CCDC60: variants seen among roughly 807,000 people sequenced by gnomAD.
The protein encoded by CCDC60 is coiled-coil domain containing 60, also known as coiled-coil domain-containing protein 60.
In CCDC60, 54 loss-of-function variants were observed where a neutral mutation model predicts 63.5. The observed-to-expected ratio is 0.85, with a 90% CI of 0.68 to 1.07. The LOEUF is 1.07. Among genes scored for constraint, CCDC60 ranks in the 50% least tolerant of loss-of-function variants. CCDC60 has a pLI of 0.00. For missense variants in CCDC60, 651 were observed against 684.3 expected, an observed-to-expected ratio of 0.95 and a Z score of 0.54; for synonymous variants, 206 against 238.8, an observed-to-expected ratio of 0.86 and a Z score of 1.27.
intron 7 of CCDC60, among the ~76,000 whole-genome samples, chr12:119,515,805 C>A (rs1952338668): frequency 6.6e-6 from 1 of 152,196 alleles, no homozygotes; most frequent in African/African-American, 2.4e-5. Context: ...TCTGGATTTT[C>A]ATGTGAAATC....
At chr12:119,359,398 T>C (rs1025036255) in intron 1 of CCDC60, among the ~76,000 whole-genome samples, 2 of 152,192 alleles carry the variant, frequency 1.3e-5, no homozygotes, top group African/African-American at 4.8e-5. Flanking sequence ...ACCAAGACCC[T>C]TTATGTAGTC....
intron 11 of CCDC60, among the ~76,000 whole-genome samples, chr12:119,526,115 G>A (rs1424716189): frequency 1.3e-5 from 2 of 151,988 alleles, no homozygotes; most frequent in Non-Finnish European, 2.9e-5. Context: ...GGCTGCACAT[G>A]TATGGCCATC....
In CCDC60 at chr12:119,530,881, G is replaced by C. The variant is rs762051099; in HGVS notation, c.1369G>C (p.Asp457His). ...CTCCTTTTGGAATTGAAGGTACTTTGATCTGTTGTCCAAACTGCCAGAGGA... is the reference window on the plus strand; with the variant it reads ...CTCCTTTTGGAATTGAAGGTACTTTCATCTGTTGTCCAAACTGCCAGAGGA... ...AEEIADHWYF[D>H]LLSKLPEDLK... is the part of the protein sequence containing the mutation. The change falls in exon 13 of 14, where the codon GAT (aspartate) becomes CAT (histidine). Residue 457 changes from aspartate to histidine, a missense_variant. Physicochemically the swap from Asp to His is moderately conservative, Grantham distance 81. Transcript: ENST00000327554. 6 of 1,613,286 alleles carry C rather than the reference G, an allele frequency of 3.7e-6. No individual in the cohort carries two copies. Among genetic ancestry groups the C allele is most frequent in the Non-Finnish European group, 5.1e-6 (6 of 1,179,670 alleles).
chr12:119,344,644 C>G (rs143016679), intron 1 of CCDC60, among the ~76,000 whole-genome samples: 1 of 152,080 alleles, frequency 6.6e-6, no homozygotes, highest in South Asian at 2.1e-4. Context: ...AATTCAATGA[C>G]CCTCTATTGT....
At chr12:119,402,908 A>AG (rs145441413) in intron 1 of CCDC60, among the ~76,000 whole-genome samples, 11,684 of 152,316 alleles carry the variant, frequency 0.077, 568 homozygotes, top group Middle Eastern at 0.16. Flanking sequence ...TGCAAATGAT[A>AG]GAAAACCCCA....
rs999790634 is a variant in CCDC60, at chr12:119,456,289, T to A, written c.171-15705T>A. On this transcript the variant is annotated intron_variant, in intron 2 of 13. Transcript: ENST00000327554. The surrounding 1 kb of genome is among the most constrained non-coding windows in gnomAD (Gnocchi z 4.6). ...AGCCCTGGGGCAGCCAGGTGGCCAA[T>A]AGGAAGGAAAAGACCTGGTGGGAAA... Among the ~76,000 whole-genome samples, 1 of 152,050 alleles carries A rather than the reference T, an allele frequency of 6.6e-6. No homozygotes were observed. The highest frequency in any genetic ancestry group is 2.4e-5 in the African/African-American group (1 of 41,398).
At chr12:119,517,306 T>C (rs564862024) in intron 8 of CCDC60, among the ~76,000 whole-genome samples, 1 of 152,182 alleles carries the variant, frequency 6.6e-6, no homozygotes, top group Non-Finnish European at 1.5e-5. Context: ...TCCAGACATT[T>C]CTAATTCCAA....
At chr12:119,445,359 G>A (rs900846874) in intron 2 of CCDC60, among the ~76,000 whole-genome samples, 4 of 148,828 alleles carry the variant, frequency 2.7e-5, no homozygotes, top group East Asian at 2.0e-4. Flanking sequence ...GCTTGAACCC[G>A]GGATGCAGAG....
At chr12:119,499,761 C>T (rs1323349503) in intron 5 of CCDC60, among the ~76,000 whole-genome samples, 1 of 152,220 alleles carries the variant, frequency 6.6e-6, no homozygotes, top group Admixed American at 6.5e-5. Context: ...ATTCACCCCT[C>T]AGGAGTAATC....
At chr12:119,346,146 A>C (rs1955590767) in intron 1 of CCDC60, among the ~76,000 whole-genome samples, 1 of 151,926 alleles carries the variant, frequency 6.6e-6, no homozygotes, top group South Asian at 2.1e-4. Context: ...CTTTGGACAA[A>C]TCACTTAACC....
At chr12:119,478,534 T>C (rs2136342694) in intron 3 of CCDC60, among the ~76,000 whole-genome samples, 1 of 151,988 alleles carries the variant, frequency 6.6e-6, no homozygotes, top group East Asian at 1.9e-4. Context: ...AATATACTAG[T>C]ATGCCGCATG....
At chr12:119,439,284 C>T (rs181535213) in intron 2 of CCDC60, among the ~76,000 whole-genome samples, 1 of 151,776 alleles carries the variant, frequency 6.6e-6, no homozygotes, top group East Asian at 2.0e-4. Flanking sequence ...CATGCATACA[C>T]ACACACATGT....
intron 1 of CCDC60, among the ~76,000 whole-genome samples, chr12:119,398,579 G>GT (rs1956329568): frequency 6.6e-6 from 1 of 152,224 alleles, no homozygotes; most frequent in African/African-American, 2.4e-5. Flanking sequence ...TAGCACCTTT[G>GT]TCACCTCTCA....
At chr12:119,429,732 G>A (rs1035112400) in intron 2 of CCDC60, 8 of 152,270 alleles carry the variant, frequency 5.3e-5, no homozygotes, top group African/African-American at 1.9e-4. Context: ...GGAAGGTAGA[G>A]GAAGGGAAAG....
rs1956574007 is a variant in CCDC60 at position 119,410,379 on chromosome 12, G to A, written c.91-18304G>A. Reference sequence around the variant, plus strand: ...TTTAAACCATTTGAAAATACTACTTGCTTTAAAAAAACTAAAGTAATAAAA... The same window carrying A: ...TTTAAACCATTTGAAAATACTACTTACTTTAAAAAAACTAAAGTAATAAAA... On this transcript the variant is annotated intron_variant, in intron 1 of 13. Transcript: ENST00000327554. This position sits in a 1 kb window ranked among gnomAD's most constrained non-coding sequence, Gnocchi z 4.0. 6.6e-6 allele frequency among the ~76,000 whole-genome samples: 1 copy of A among 151,874 alleles called. No homozygotes were observed. Among genetic ancestry groups the A allele is most frequent in the Non-Finnish European group, 1.5e-5 (1 of 67,986 alleles).
At chr12:119,389,563 C>T (rs933469022) in intron 1 of CCDC60, among the ~76,000 whole-genome samples, 1 of 152,090 alleles carries the variant, frequency 6.6e-6, no homozygotes, top group Non-Finnish European at 1.5e-5. Flanking sequence ...GTCCCACTCT[C>T]CTATGGGGGT....
chr12:119,444,678 G>T (rs1306612090), intron 2 of CCDC60, among the ~76,000 whole-genome samples: 3 of 152,174 alleles, frequency 2.0e-5, no homozygotes, highest in African/African-American at 4.8e-5. Context: ...GTCCTCCAAG[G>T]TCTTAGAGAC....
At chr12:119,452,910 C>G (rs1330874757) in intron 2 of CCDC60, among the ~76,000 whole-genome samples, 1 of 152,116 alleles carries the variant, frequency 6.6e-6, no homozygotes, top group Non-Finnish European at 1.5e-5. Flanking sequence ...GCCACCTCCA[C>G]CTCCCTGGTT....
chr12:119,496,206 C>T (rs1176612095), intron 5 of CCDC60, among the ~76,000 whole-genome samples: 5 of 152,194 alleles, frequency 3.3e-5, no homozygotes, highest in African/African-American at 4.8e-5. Flanking sequence ...CATATGAGCA[C>T]GTCCTAACCT....
Sources: gnomAD v4.1 joint callset for allele counts (sites outside exome capture counted in the v4.1 genomes callset) on GRCh38, gnomAD v4.1.1 for gene constraint, Gnocchi (gnomAD v3.1) non-coding constraint, MANE v1.5 for transcripts, NCBI Gene and HGNC (gene_info 2026-07-23, HGNC 2026-07-21) for gene names.